PCYT1A: variants seen among roughly 807,000 people sequenced by gnomAD.
The protein encoded by PCYT1A is phosphate cytidylyltransferase 1A, choline, also known as choline-phosphate cytidylyltransferase A.
PCYT1A carries 25 observed loss-of-function variants against 43.7 expected under a neutral mutation model. The ratio of observed to expected loss-of-function variants is 0.57; its 90% confidence interval spans 0.42 to 0.80. The LOEUF (loss-of-function observed/expected upper bound fraction) is 0.80. Among genes scored for constraint, PCYT1A ranks in the 30% least tolerant of loss-of-function variants. The probability of loss-of-function intolerance (pLI) is 0.00; values close to 1 mark genes in which losing one functional copy is unlikely to be tolerated. For synonymous variants in PCYT1A, 172 were observed against 170.7 expected (o/e 1.01, Z -0.06); for missense variants, 421 against 474.2 (o/e 0.89, Z 1.04).
Position 196,242,326 on chromosome 3 carries a change from CT to C in PCYT1A, c.565+235del, listed in dbSNP as rs1299111322. 6.1e-6 allele frequency: 4 copies of C among 655,758 alleles called. No homozygotes were observed. Among genetic ancestry groups the C allele is most frequent in the Non-Finnish European group, 5.5e-6 (2 of 365,708 alleles). The allele number at this position is 655,758 out of a possible 1,614,324, so 40.6% of individuals were successfully genotyped here. A position where few individuals can be genotyped will look rare whatever the true frequency, so the allele number is the denominator to read the frequency against. Reference sequence around the variant, plus strand: ...TAAGAAAAATATGAGAAAGGGTTTCCTGAAATTAAGAGAGATATCCAAAGTA... The same window carrying C: ...TAAGAAAAATATGAGAAAGGGTTTCCGAAATTAAGAGAGATATCCAAAGTA... On this transcript the variant is annotated intron_variant, in intron 6 of 8. Transcript: ENST00000431016. The surrounding 1 kb of genome is among the most constrained non-coding windows in gnomAD (Gnocchi z 4.2).
intron 1 of PCYT1A, among the ~76,000 whole-genome samples, chr3:196,280,111 G>A (rs1274529122): frequency 6.6e-6 from 1 of 152,088 alleles, no homozygotes; most frequent in Admixed American, 6.5e-5. Context: ...GATTACAGGC[G>A]TGAGCCACCG....
intron 2 of PCYT1A, among the ~76,000 whole-genome samples, chr3:196,266,169 C>T (rs1012320396): frequency 5.3e-5 from 8 of 152,030 alleles, no homozygotes; most frequent in African/African-American, 1.4e-4. Context: ...GCCATACTAG[C>T]GCATTGTAAA....
At position 196,237,680 on chromosome 3, in the gene PCYT1A, C is replaced by T. The variant is rs1012318511; in HGVS notation, c.*1008G>A. The T allele has an allele frequency of 2.0e-5, 3 of 152,108 alleles. No homozygotes were observed. The highest frequency in any genetic ancestry group is 7.2e-5 in the African/African-American group (3 of 41,426). The allele number at this position is 152,108 out of a possible 1,614,324, so 9.4% of individuals were successfully genotyped here. A position where few individuals can be genotyped will look rare whatever the true frequency, so the allele number is the denominator to read the frequency against. ...GCAAATCTCTCTAATATGGCTATGA[C>T]CAAAATGGATTAACATCAAGTTCCA... On this transcript the variant is annotated 3_prime_UTR_variant, in exon 9 of 9. Coordinates refer to ENST00000431016, the MANE Select transcript of PCYT1A (RefSeq NM_001312673.2).
At position 196,239,550 on chromosome 3, in the gene PCYT1A, T is replaced by G. The variant is rs1315972035; in HGVS notation, c.894A>C (p.Ala298=). The G allele has an allele frequency of 6.2e-7, 1 of 1,601,780 alleles. No homozygotes were observed. The highest frequency in any genetic ancestry group is 2.2e-5 in the East Asian group (1 of 44,830). Residue 298 remains alanine (A), a synonymous_variant, in exon 8 of 9, where the codon GCA becomes GCC. Coordinates refer to ENST00000431016, the MANE Select transcript of PCYT1A (RefSeq NM_001312673.2). The part of the protein sequence containing the change: ...SFLEMFGPEG[A]LKHMLKEGKG... Reference sequence around the variant, plus strand: ...TGTCCAGTGGGAAAGAACATACCAGTGCTCCTTCCGGACCAAACATTTCCA... The same window carrying G: ...TGTCCAGTGGGAAAGAACATACCAGGGCTCCTTCCGGACCAAACATTTCCA...
intron 5 of PCYT1A, among the ~76,000 whole-genome samples, chr3:196,243,536 C>T (rs1724433146): frequency 6.6e-6 from 1 of 151,980 alleles, no homozygotes; most frequent in Non-Finnish European, 1.5e-5. Flanking sequence ...CTCCCTCTCC[C>T]CACGGTCTCC....
In PCYT1A at chr3:196,238,587, C is replaced by T. The variant is rs1172170228; in HGVS notation, c.*101G>A. 2 of 781,806 alleles carry T rather than the reference C, an allele frequency of 2.6e-6. No individual in the cohort carries two copies. The highest frequency in any genetic ancestry group is 2.5e-5 in the South Asian group (1 of 39,986). 48.4% of individuals were successfully genotyped at this position (781,806 alleles called of 1,614,324 possible). A position where few individuals can be genotyped will look rare whatever the true frequency, so the allele number is the denominator to read the frequency against. ...TTCCCCAGTTGTCTTTCCTTTGTAG[C>T]TGTCCTTAGGTTTAGTGTTGGGGTC... is the stretch of plus-strand genomic sequence containing the variant. On this transcript the variant is annotated 3_prime_UTR_variant, in exon 9 of 9. Transcript: ENST00000431016.
At chr3:196,256,011 C>T (rs754553347) in intron 3 of PCYT1A, among the ~76,000 whole-genome samples, 9 of 152,168 alleles carry the variant, frequency 5.9e-5, no homozygotes, top group Non-Finnish European at 1.2e-4. Flanking sequence ...CAGGAGCCTA[C>T]CTATTACCCA....
Position 196,273,034 on chromosome 3 carries a change from A to G in PCYT1A, c.-10-2493T>C, listed in dbSNP as rs933620642. ...AAGAGGTGCACAGGCGAGCCAGCAC[A>G]GGGTCCGGCCACTGCGCACAGCCAG... is the stretch of plus-strand genomic sequence containing the variant. On this transcript the variant is annotated intron_variant, in intron 1 of 8. Transcript: ENST00000431016. The surrounding 1 kb of genome is among the most constrained non-coding windows in gnomAD (Gnocchi z 4.1). Among the ~76,000 whole-genome samples the G allele has an allele frequency of 6.6e-6, 1 of 152,208 alleles. No homozygotes were observed. The highest frequency in any genetic ancestry group is 2.1e-4 in the South Asian group (1 of 4,832).
rs1435383537 is a variant in PCYT1A at position 196,282,929 on chromosome 3, A to G, written c.-11+4686T>C. On this transcript the variant is annotated intron_variant, in intron 1 of 8. Transcript: ENST00000431016. This position sits in a 1 kb window ranked among gnomAD's most constrained non-coding sequence, Gnocchi z 4.3. ...GTTTGCAAGTAGTTGTGAATGTGATATAACAGCCTAGCAGATTCATGGGTT... is the reference window on the plus strand; with the variant it reads ...GTTTGCAAGTAGTTGTGAATGTGATGTAACAGCCTAGCAGATTCATGGGTT... 2.0e-5 allele frequency among the ~76,000 whole-genome samples: 3 copies of G among 152,226 alleles called. No individual in the cohort carries two copies. The highest frequency in any genetic ancestry group is 2.1e-4 in the South Asian group (1 of 4,830).
chr3:196,269,861 ATTTG>A (rs1255931658), intron 2 of PCYT1A, among the ~76,000 whole-genome samples: 8 of 152,024 alleles, frequency 5.3e-5, no homozygotes, highest in East Asian at 1.9e-4. Flanking sequence ...AGTTTTATTT[ATTTG>A]TTTATTTACT....
At position 196,242,834 on chromosome 3, in the gene PCYT1A, T is replaced by C. The variant is rs1724398559; in HGVS notation, c.487-194A>G. Reference sequence around the variant, plus strand: ...AACCTAATGATTTATGGAGTATACATATGAAGTTAGCCAGCTGCTTTTGTA... The same window carrying C: ...AACCTAATGATTTATGGAGTATACACATGAAGTTAGCCAGCTGCTTTTGTA... On this transcript the variant is annotated intron_variant, in intron 5 of 8. Transcript: ENST00000431016. The surrounding 1 kb of genome is among the most constrained non-coding windows in gnomAD (Gnocchi z 4.2). 3 of 604,364 alleles carry C rather than the reference T, an allele frequency of 5.0e-6. No homozygotes were observed. The highest frequency in any genetic ancestry group is 9.0e-6 in the Non-Finnish European group (3 of 333,390). 37.4% of individuals were successfully genotyped at this position (604,364 alleles called of 1,614,324 possible).
At chr3:196,276,083 T>A (rs1212646819) in intron 1 of PCYT1A, among the ~76,000 whole-genome samples, 6 of 147,180 alleles carry the variant, frequency 4.1e-5, no homozygotes, top group African/African-American at 1.5e-4. Context: ...GGCGCCAGAG[T>A]GAGACTCCGT....
intron 7 of PCYT1A, chr3:196,241,666 A>G: frequency 1.4e-6 from 2 of 1,382,992 alleles, no homozygotes; most frequent in Non-Finnish European, 1.9e-6. Flanking sequence ...GAAGTTTAAG[A>G]GACACCGTTT....
chr3:196,272,775 A>G (rs2108778830), intron 1 of PCYT1A, among the ~76,000 whole-genome samples: 1 of 152,364 alleles, frequency 6.6e-6, no homozygotes, highest in South Asian at 2.1e-4. Context: ...GAGAGTTTCT[A>G]GCAACTAGCT....
At chr3:196,249,140 A>G (rs916441455) in intron 3 of PCYT1A, among the ~76,000 whole-genome samples, 1 of 151,320 alleles carries the variant, frequency 6.6e-6, no homozygotes, top group Non-Finnish European at 1.5e-5. Flanking sequence ...AAAAATGACT[A>G]TAAAGACCTT....
rs1041656182 is a variant in PCYT1A at position 196,236,377 on chromosome 3, G to C, written c.*2311C>G. ...GAAACAGGCAGCATTCCCAAAGAGA[G>C]AAGGCTGACGCAGAAAAGTTCAAAG... is the stretch of plus-strand genomic sequence containing the variant. On this transcript the variant is annotated 3_prime_UTR_variant, in exon 9 of 9. Transcript: ENST00000431016. The C allele has an allele frequency of 2.6e-5, 4 of 152,416 alleles. No individual in the cohort carries two copies. The highest frequency in any genetic ancestry group is 2.1e-4 in the South Asian group (1 of 4,834). 9.4% of individuals were successfully genotyped at this position (152,416 alleles called of 1,614,324 possible).
chr3:196,263,634 T>C (rs1421736888), intron 2 of PCYT1A, among the ~76,000 whole-genome samples: 2 of 152,028 alleles, frequency 1.3e-5, no homozygotes, highest in African/African-American at 2.4e-5. Flanking sequence ...GATCTGTTTT[T>C]TTGTTTTGTT....
chr3:196,280,570 GTTT>G, intron 1 of PCYT1A, among the ~76,000 whole-genome samples: 4 of 91,344 alleles, frequency 4.4e-5, no homozygotes, highest in African/African-American at 1.3e-4. Flanking sequence ...TATTTTTATT[GTTT>G]TTTTTTTTTT....
intron 1 of PCYT1A, chr3:196,287,061 T>G (rs891076346): frequency 2.6e-5 from 4 of 152,276 alleles, no homozygotes; most frequent in African/African-American, 9.7e-5. Flanking sequence ...GTGGTGAAGT[T>G]TGTCCGTAAA....
Sources: allele counts gnomAD v4.1 joint callset (sites outside exome capture counted in the v4.1 genomes callset), GRCh38; gene constraint gnomAD v4.1.1; non-coding constraint Gnocchi (gnomAD v3.1); transcripts MANE v1.5; gene names NCBI Gene and HGNC (gene_info 2026-07-23, HGNC 2026-07-21).